The following GABRB1 variants were observed in gnomAD, a reference collection of about 807,000 sequenced individuals.
GABRB1 encodes the protein gamma-aminobutyric acid type A receptor subunit beta1.
Under a neutral mutation model 51.6 loss-of-function variants are expected in GABRB1, and 17 were observed. The ratio of observed to expected loss-of-function variants is 0.33; its 90% CI spans 0.23 to 0.49. The LOEUF (loss-of-function observed/expected upper bound fraction) is 0.49. Among genes scored for constraint, GABRB1 ranks in the 20% least tolerant of loss-of-function variants. The pLI is 0.99. For missense variants in GABRB1, 410 were observed against 600.6 expected (o/e 0.68, Z 3.32); for synonymous variants, 247 against 218.9 (o/e 1.13, Z -1.14).
At chr4:47,013,944 GT>G (rs1036810137) in intron 1 of GABRB1, among the ~76,000 whole-genome samples, 1 of 151,996 alleles carries the variant, frequency 6.6e-6, no homozygotes, top group Non-Finnish European at 1.5e-5. Flanking sequence ...TATGGTTTGT[GT>G]TTTTTCTGTC....
rs537048953 is a variant in GABRB1 at position 47,419,065 on chromosome 4, T to A, written c.1081-6609T>A. On this transcript the variant is annotated intron_variant, in intron 8 of 8. Coordinates refer to ENST00000295454, the MANE Select transcript of GABRB1 (RefSeq NM_000812.4). ...TCTTCATAATGTTACCTGATTTTTTTAAAAACTAATTTTAGAAGGAGGGAT... is the reference window on the plus strand; with the variant it reads ...TCTTCATAATGTTACCTGATTTTTTAAAAAACTAATTTTAGAAGGAGGGAT... 4.6e-5 allele frequency among the ~76,000 whole-genome samples: 7 copies of A among 152,362 alleles called. No individual in the cohort carries two copies. In the East Asian group the frequency reaches 9.6e-4, roughly 21 times the overall value.
At chr4:47,328,772 AG>A (rs1408704130) in intron 5 of GABRB1, among the ~76,000 whole-genome samples, 2 of 147,908 alleles carry the variant, frequency 1.4e-5, no homozygotes, top group Non-Finnish European at 3.0e-5. Context: ...TGTTGTGGGG[AG>A]GGGGGAGCGG....
chr4:47,318,237 G>A (rs1724957673), intron 4 of GABRB1, among the ~76,000 whole-genome samples: 1 of 151,878 alleles, frequency 6.6e-6, no homozygotes, highest in South Asian at 2.1e-4. Flanking sequence ...AAAGCTTTTA[G>A]CCCAGTGCCC....
chr4:47,181,625 T>A (rs2109770447), intron 4 of GABRB1, among the ~76,000 whole-genome samples: 1 of 152,122 alleles, frequency 6.6e-6, no homozygotes, highest in South Asian at 2.1e-4. Context: ...GCCTATCGCA[T>A]AGGGTTGTAA....
At chr4:47,113,727 AC>A (rs1715339972) in intron 3 of GABRB1, among the ~76,000 whole-genome samples, 2 of 152,228 alleles carry the variant, frequency 1.3e-5, no homozygotes, top group Non-Finnish European at 2.9e-5. Context: ...TAAATAAAAT[AC>A]CTTATCTAAT....
intron 4 of GABRB1, among the ~76,000 whole-genome samples, chr4:47,176,358 T>C (rs1718700998): frequency 6.6e-6 from 1 of 152,096 alleles, no homozygotes; most frequent in Admixed American, 6.6e-5. Flanking sequence ...TAGAAATTAG[T>C]GCACTGATTG....
chr4:47,278,734 A>C (rs1361798450), intron 4 of GABRB1, among the ~76,000 whole-genome samples: 1 of 152,144 alleles, frequency 6.6e-6, no homozygotes, highest in Non-Finnish European at 1.5e-5. Flanking sequence ...ATGCCAATTC[A>C]TGATAAATGC....
At chr4:47,332,109 C>G (rs1222157726) in intron 5 of GABRB1, among the ~76,000 whole-genome samples, 1 of 152,214 alleles carries the variant, frequency 6.6e-6, no homozygotes, top group South Asian at 2.1e-4. Context: ...CAATTCAGTT[C>G]TTAAGTAGGC....
At chr4:47,350,043 A>T (rs1726249884) in intron 5 of GABRB1, among the ~76,000 whole-genome samples, 1 of 151,998 alleles carries the variant, frequency 6.6e-6, no homozygotes, top group South Asian at 2.1e-4. Context: ...CTTTCACAAT[A>T]TAAAAAACCT....
chr4:47,119,510 C>CT (rs71195603), intron 3 of GABRB1, among the ~76,000 whole-genome samples: 5,350 of 139,140 alleles, frequency 0.038, 326 homozygotes, highest in East Asian at 0.17. Flanking sequence ...CTTTTTCTTT[C>CT]TTTTTTTTTT....
chr4:47,338,204 G>A (rs549746795), intron 5 of GABRB1, among the ~76,000 whole-genome samples: 29 of 152,136 alleles, frequency 1.9e-4, no homozygotes, highest in Non-Finnish European at 3.4e-4. Flanking sequence ...CTCTGGAGCT[G>A]ACTGATGACA....
At chr4:47,134,346 T>A (rs1052764933) in intron 3 of GABRB1, among the ~76,000 whole-genome samples, 1 of 152,096 alleles carries the variant, frequency 6.6e-6, no homozygotes, top group Non-Finnish European at 1.5e-5. Flanking sequence ...GAGAGAAGTA[T>A]ATCACATAAA....
At chr4:47,359,789 C>A (rs1726730290) in intron 5 of GABRB1, among the ~76,000 whole-genome samples, 1 of 152,048 alleles carries the variant, frequency 6.6e-6, no homozygotes, top group Non-Finnish European at 1.5e-5. Context: ...CTGTTAATAG[C>A]CAAACCTACA....
At chr4:47,348,737 A>G (rs766415601) in intron 5 of GABRB1, among the ~76,000 whole-genome samples, 1 of 152,210 alleles carries the variant, frequency 6.6e-6, no homozygotes, top group South Asian at 2.1e-4. Context: ...AAGGATAGTT[A>G]ATATGATAAG....
At chr4:47,137,228 A>C (rs1275707823) in intron 3 of GABRB1, among the ~76,000 whole-genome samples, 1 of 152,128 alleles carries the variant, frequency 6.6e-6, no homozygotes, top group Non-Finnish European at 1.5e-5. Context: ...ACCAAGGATC[A>C]GAGCTGCAGT....
intron 5 of GABRB1, among the ~76,000 whole-genome samples, chr4:47,376,277 A>G (rs1727371518): frequency 6.6e-6 from 1 of 152,184 alleles, no homozygotes; most frequent in Admixed American, 6.5e-5. Context: ...AGAGAATATG[A>G]TCAGCAACAA....
upstream of GABRB1, among the ~76,000 whole-genome samples, chr4:47,030,008 T>C (rs1725237086): frequency 2.6e-5 from 4 of 152,272 alleles, no homozygotes; most frequent in South Asian, 8.3e-4. Flanking sequence ...TGGCTTTTAT[T>C]TACCCCCTCA....
chr4:47,231,104 C>T (rs961819586), intron 4 of GABRB1, among the ~76,000 whole-genome samples: 8 of 152,172 alleles, frequency 5.3e-5, no homozygotes, highest in Non-Finnish European at 1.0e-4. Flanking sequence ...TGAGTCCCAA[C>T]CTTTGTCCCT....
intron 4 of GABRB1, among the ~76,000 whole-genome samples, chr4:47,217,229 C>T (rs1720588041): frequency 6.6e-6 from 1 of 151,718 alleles, no homozygotes. Flanking sequence ...TCTAGGTAGG[C>T]AGGGACTTTC....
Sources: allele counts gnomAD v4.1 joint callset (sites outside exome capture counted in the v4.1 genomes callset), GRCh38; gene constraint gnomAD v4.1.1; transcripts MANE v1.5; gene names NCBI Gene and HGNC (gene_info 2026-07-23, HGNC 2026-07-21).